DDX46: variants seen among roughly 807,000 people sequenced by gnomAD.
DDX46 encodes the protein probable ATP-dependent RNA helicase DDX46.
Under a neutral mutation model 134.9 loss-of-function variants are expected in DDX46, and 30 were observed. The observed-to-expected ratio is 0.22, with a 90% CI of 0.17 to 0.30. The LOEUF (loss-of-function observed/expected upper bound fraction) is 0.30. Ranked by LOEUF, DDX46 falls within the 10% of genes least tolerant of loss-of-function variation. DDX46 has a pLI of 1.00. For synonymous variants in DDX46, 415 were observed against 404.1 expected, an observed-to-expected ratio of 1.03 and a Z score of -0.32; for missense variants, 622 against 1,248.7, an observed-to-expected ratio of 0.50 and a Z score of 7.56.
intron 8 of DDX46, among the ~76,000 whole-genome samples, chr5:134,782,327 G>A (rs1470056036): frequency 1.3e-5 from 2 of 151,968 alleles, no homozygotes; most frequent in Non-Finnish European, 2.9e-5. Flanking sequence ...GCAATACAGT[G>A]AAACCCCGTC....
chr5:134,769,642 G>A (rs559577861), intron 3 of DDX46, among the ~76,000 whole-genome samples: 33 of 151,204 alleles, frequency 2.2e-4, no homozygotes, highest in African/African-American at 5.8e-4. Context: ...CCGAGTTCAA[G>A]TGATTCTCCT....
chr5:134,798,262 G>A (rs961513750), intron 15 of DDX46, among the ~76,000 whole-genome samples: 9 of 150,808 alleles, frequency 6.0e-5, no homozygotes, highest in African/African-American at 1.7e-4. Flanking sequence ...GTGAATCTCA[G>A]CTCACTGCAA....
At chr5:134,828,115 G>A (rs182469451) in intron 22 of DDX46, among the ~76,000 whole-genome samples, 1 of 152,172 alleles carries the variant, frequency 6.6e-6, no homozygotes, top group African/African-American at 2.4e-5. Flanking sequence ...ATGTCCTTGT[G>A]TCTTTAGTGC....
chr5:134,790,185 G>A (rs1754462609), intron 12 of DDX46: 2 of 540,568 alleles, frequency 3.7e-6, no homozygotes, highest in Admixed American at 4.4e-5. Flanking sequence ...GGAGAGGGCT[G>A]TTTTCTGAAT....
chr5:134,802,679 AAT>A (rs1414427173), intron 15 of DDX46, among the ~76,000 whole-genome samples: 1 of 152,080 alleles, frequency 6.6e-6, no homozygotes, highest in East Asian at 1.9e-4. Flanking sequence ...TCTTGATCAT[AAT>A]TATTATATGT....
intron 2 of DDX46, among the ~76,000 whole-genome samples, chr5:134,766,570 A>T (rs1711834974): frequency 6.7e-6 from 1 of 150,308 alleles, no homozygotes; most frequent in Non-Finnish European, 1.5e-5. Flanking sequence ...AAAAAAAAAA[A>T]ATTAGCCGGG....
intron 15 of DDX46, among the ~76,000 whole-genome samples, chr5:134,800,459 A>T (rs1754792703): frequency 6.6e-6 from 1 of 152,116 alleles, no homozygotes; most frequent in South Asian, 2.1e-4. Flanking sequence ...ACTATGCCAC[A>T]GTTTAGTCAT....
At chr5:134,828,628 C>G in intron 22 of DDX46, 31 bp from the exon 23 acceptor site, 1 of 1,341,108 alleles carries the variant, frequency 7.5e-7, no homozygotes, top group Non-Finnish European at 9.8e-7. Context: ...TTTGCTTTCT[C>G]TGATGACATA....
At chr5:134,798,974 A>G (rs146765916) in intron 15 of DDX46, among the ~76,000 whole-genome samples, 3 of 152,336 alleles carry the variant, frequency 2.0e-5, no homozygotes, top group African/African-American at 7.2e-5. Context: ...TATAAAAACT[A>G]TCTATTAATA....
chr5:134,776,251 G>A (rs1753932343), intron 5 of DDX46, among the ~76,000 whole-genome samples: 1 of 151,982 alleles, frequency 6.6e-6, no homozygotes, highest in Admixed American at 6.6e-5. Flanking sequence ...TTAGCTTGGT[G>A]TGGTGGCGCA....
At chr5:134,764,577 C>T (rs904521160) in intron 2 of DDX46, among the ~76,000 whole-genome samples, 1 of 152,124 alleles carries the variant, frequency 6.6e-6, no homozygotes, top group Non-Finnish European at 1.5e-5. Flanking sequence ...GCCACCGTGT[C>T]CGACCATCAA....
At chr5:134,779,341 C>T (rs1472073987) in intron 6 of DDX46, among the ~76,000 whole-genome samples, 1 of 151,400 alleles carries the variant, frequency 6.6e-6, no homozygotes. Flanking sequence ...TTACAGGCGC[C>T]CACCACCATG....
At chr5:134,792,552 A>G (rs924727807) in intron 13 of DDX46, among the ~76,000 whole-genome samples, 2 of 152,182 alleles carry the variant, frequency 1.3e-5, no homozygotes, top group African/African-American at 4.8e-5. Context: ...GTCTTTCCCA[A>G]TCATGTGAAA....
intron 15 of DDX46, among the ~76,000 whole-genome samples, chr5:134,802,802 A>G (rs982227981): frequency 2.0e-5 from 3 of 151,732 alleles, no homozygotes; most frequent in African/African-American, 7.3e-5. Flanking sequence ...ATGTCTAGTA[A>G]TTTCTGTTTG....
Position 134,781,433 on chromosome 5 carries a change from G to C in DDX46, c.879+187G>C, listed in dbSNP as rs377185535. On this transcript the variant is annotated intron_variant, in intron 7 of 22. Transcript: ENST00000452510. ...TATCTGTTTAGTGGAACATTCTGAT[G>C]TCTTCATTCCTAACTGTATGATCTT... Among the ~76,000 whole-genome samples the C allele has an allele frequency of 2.3e-3, 354 of 152,178 alleles. 1 individual carries two copies. The highest frequency in any genetic ancestry group is 8.3e-3 in the African/African-American group (345 of 41,534).
Position 134,809,751 on chromosome 5 carries a change from G to A in DDX46, c.2149-1470G>A, listed in dbSNP as rs554861797. On this transcript the variant is annotated intron_variant, in intron 16 of 22. Transcript: ENST00000452510. ...TGGCCGGGCGCGGTGGCTCACGCCT[G>A]TAATCCCAGCACTTTGGGAGGCCGA... Among the ~76,000 whole-genome samples the A allele has an allele frequency of 5.9e-5, 9 of 151,996 alleles. No individual in the cohort carries two copies. The East Asian group carries it at 1.6e-3, about 27-fold the overall frequency.
chr5:134,792,910 T>G (rs904801044), intron 13 of DDX46, among the ~76,000 whole-genome samples: 1 of 152,160 alleles, frequency 6.6e-6, no homozygotes, highest in Admixed American at 6.5e-5. Flanking sequence ...ATCTCTGCAC[T>G]TTGGGAGGTC....
At chr5:134,801,070 G>A (rs557801570) in intron 15 of DDX46, among the ~76,000 whole-genome samples, 1 of 152,246 alleles carries the variant, frequency 6.6e-6, no homozygotes, top group East Asian at 2.0e-4. Flanking sequence ...GATTGCTTGA[G>A]TCTGGGAGTT....
intron 10 of DDX46, 127 bp downstream of exon 10, chr5:134,784,668 T>G: frequency 9.3e-7 from 1 of 1,070,642 alleles, no homozygotes; most frequent in Admixed American, 3.6e-5. Context: ...CTTTATCAAT[T>G]TGGCACTTTG....
Sources: gnomAD v4.1 joint callset for allele counts (sites outside exome capture counted in the v4.1 genomes callset) on GRCh38, gnomAD v4.1.1 for gene constraint, MANE v1.5 for transcripts, NCBI Gene and HGNC (gene_info 2026-07-23, HGNC 2026-07-21) for gene names.